The following SEC24D variants were observed in gnomAD, a reference collection of about 807,000 sequenced individuals.
The protein encoded by SEC24D is SEC24 homolog D, COPII component, also known as protein transport protein Sec24D.
SEC24D carries 69 observed loss-of-function variants against 116.9 expected under a neutral mutation model. That is an observed-to-expected ratio of 0.59 (90% CI 0.49 to 0.72). SEC24D has a LOEUF of 0.72. Ranked by LOEUF, SEC24D falls within the 30% of genes least tolerant of loss-of-function variation. The pLI is 0.00. For missense variants in SEC24D, 1,131 were observed against 1,264.1 expected, an observed-to-expected ratio of 0.89 and a Z score of 1.60; for synonymous variants, 405 against 442.8, an observed-to-expected ratio of 0.91 and a Z score of 1.07.
At chr4:118,806,570 C>A (rs1729687423) in intron 6 of SEC24D, among the ~76,000 whole-genome samples, 2 of 151,788 alleles carry the variant, frequency 1.3e-5, no homozygotes, top group Non-Finnish European at 1.5e-5. Context: ...TGGGTGCAAG[C>A]AATCCTCCTG....
At position 118,815,689 on chromosome 4, in the gene SEC24D, G is replaced by C; in HGVS notation, c.435C>G (p.Gly145=). ...GMAPPSQGPP[G]PLSATSLQTP... ...TCTGCAATGATGTGGCTGACAGAGG[G>C]CCAGGGGGTCCCTGGCTTGGAGGAG... The change falls in exon 5 of 23, where the codon GGC becomes GGG. Residue 145 remains glycine (G), a synonymous_variant. Coordinates refer to ENST00000280551, the MANE Select transcript of SEC24D (RefSeq NM_014822.4). The C allele has an allele frequency of 6.2e-7, 1 of 1,614,114 alleles. No individual in the cohort carries two copies. The highest frequency in any genetic ancestry group is 1.1e-5 in the South Asian group (1 of 91,072).
chr4:118,813,618 C>T (rs1438216923), intron 6 of SEC24D, among the ~76,000 whole-genome samples: 1 of 152,176 alleles, frequency 6.6e-6, no homozygotes, highest in East Asian at 1.9e-4. Context: ...ACGGATTAAT[C>T]CATTCACAAG....
Position 118,738,367 on chromosome 4 carries a change from A to G in SEC24D, c.2390T>C (p.Val797Ala). 1 of 1,609,212 alleles carries G rather than the reference A, an allele frequency of 6.2e-7. No homozygotes were observed. The highest frequency in any genetic ancestry group is 8.5e-7 in the Non-Finnish European group (1 of 1,175,680). Residue 797 changes from valine (V) to alanine (A), a missense_variant, in exon 19 of 23, where the codon GTT (valine) becomes GCT (alanine). Transcript: ENST00000280551. ...NFFAKSAFKA[V>A]LHQPLKVIRE... The stretch of plus-strand genomic sequence containing the variant: ...GATGACCTTCAAAGGCTGGTGGAGA[A>G]CTGCTTTAAAAGCTACATCACAAAA...
chr4:118,793,497 G>T (rs1729038284), intron 8 of SEC24D, among the ~76,000 whole-genome samples: 1 of 145,552 alleles, frequency 6.9e-6, no homozygotes. Flanking sequence ...AAAAAAGAAG[G>T]CCCAAACACT....
rs10471010 is a variant in SEC24D, at chr4:118,783,083, G to C, written c.1041+14600C>G. ...CCCGGGTGAGGCGACGCCCCGCCCT[G>C]CTTTGGCTCACCCTCTGTGGGCTGC... On this transcript the variant is annotated intron_variant, in intron 8 of 22. Coordinates refer to ENST00000280551, the MANE Select transcript of SEC24D (RefSeq NM_014822.4). Among the ~76,000 whole-genome samples the C allele has an allele frequency of 7.4e-3, 1,123 of 152,316 alleles. 16 individuals are homozygous for C. Among genetic ancestry groups the C allele is most frequent in the African/African-American group, 0.025 (1,036 of 41,564 alleles).
At chr4:118,749,295 G>A (rs534770455) in intron 13 of SEC24D, among the ~76,000 whole-genome samples, 2 of 152,198 alleles carry the variant, frequency 1.3e-5, no homozygotes, top group South Asian at 2.1e-4. Context: ...TCAAAAGGAC[G>A]CATAAGAACT....
chr4:118,739,377 G>T lies in SEC24D; in HGVS notation c.2239-90C>A, dbSNP rs527731380. On this transcript the variant is annotated intron_variant, in intron 17 of 22. Transcript: ENST00000280551. Reference sequence around the variant, plus strand: ...CTTACTTGCATTTACAAAACACTGTGTACAGATAGATAAAAGACCTCTAAC... The same window carrying T: ...CTTACTTGCATTTACAAAACACTGTTTACAGATAGATAAAAGACCTCTAAC... 2.8e-5 allele frequency: 34 copies of T among 1,198,878 alleles called. 1 individual carries two copies. In the African/African-American group the frequency reaches 3.7e-4, roughly 13 times the overall value. The allele number at this position is 1,198,878 out of a possible 1,614,324, so 74.3% of individuals were successfully genotyped here.
rs80352878 is a variant in SEC24D at position 118,787,782 on chromosome 4, G to A, written c.1041+9901C>T. ...GAGATTGTACACCGTACTCCAGCCT[G>A]GGTCAAAGAGTGAAATCTTGTCTCA... On this transcript the variant is annotated intron_variant, in intron 8 of 22. Transcript: ENST00000280551. Among the ~76,000 whole-genome samples the A allele has an allele frequency of 5.8e-3, 881 of 152,190 alleles. 8 individuals are homozygous for A. Among genetic ancestry groups the A allele is most frequent in the African/African-American group, 0.02 (824 of 41,532 alleles).
At chr4:118,779,121 C>T (rs142605024) in intron 8 of SEC24D, among the ~76,000 whole-genome samples, 6,102 of 152,224 alleles carry the variant, frequency 0.04, 183 homozygotes, top group Non-Finnish European at 0.063. Context: ...TTGCCCTGGC[C>T]AGAACTTCCA....
At chr4:118,774,086 T>G (rs572951499) in intron 8 of SEC24D, among the ~76,000 whole-genome samples, 92 of 151,918 alleles carry the variant, frequency 6.1e-4, no homozygotes, top group African/African-American at 2.1e-3. Flanking sequence ...ATTAAAAAAT[T>G]TAATGCTTTT....
intron 8 of SEC24D, among the ~76,000 whole-genome samples, chr4:118,778,198 T>C (rs1728237495): frequency 6.6e-6 from 1 of 152,232 alleles, no homozygotes; most frequent in Non-Finnish European, 1.5e-5. Flanking sequence ...ATGTCCTGAA[T>C]GGTATTGCCT....
chr4:118,776,113 G>A (rs2110481013), intron 8 of SEC24D, among the ~76,000 whole-genome samples: 2 of 150,890 alleles, frequency 1.3e-5, no homozygotes, highest in South Asian at 4.3e-4. Flanking sequence ...TGAAGGAAGG[G>A]AAGGGGAGGG....
intron 8 of SEC24D, among the ~76,000 whole-genome samples, chr4:118,770,950 G>C (rs1271864882): frequency 6.6e-6 from 1 of 152,136 alleles, no homozygotes. Context: ...TGACAGTAAA[G>C]AATGTTAAAA....
At chr4:118,799,573 A>G (rs1432816181) in intron 7 of SEC24D, among the ~76,000 whole-genome samples, 1 of 152,230 alleles carries the variant, frequency 6.6e-6, no homozygotes, top group Non-Finnish European at 1.5e-5. Context: ...GCCAAAGAAG[A>G]GAAGATGACC....
chr4:118,834,757 C>A (rs1276956990), intron 1 of SEC24D, among the ~76,000 whole-genome samples: 1 of 152,148 alleles, frequency 6.6e-6, no homozygotes, highest in African/African-American at 2.4e-5. Context: ...ACTGATTCTA[C>A]AATTTATCTC....
rs570342119 is a variant in SEC24D at position 118,780,406 on chromosome 4, C to T, written c.1042-12095G>A. 1.3e-4 allele frequency among the ~76,000 whole-genome samples: 20 copies of T among 152,240 alleles called. No individual in the cohort carries two copies. The South Asian group carries it at 2.5e-3, about 19-fold the overall frequency. On this transcript the variant is annotated intron_variant, in intron 8 of 22. Coordinates refer to ENST00000280551, the MANE Select transcript of SEC24D (RefSeq NM_014822.4). ...GATGTTCGGTTTCCATGTAGTTGTG[C>T]GGTTTTTAGTGAGTTTCTTAATCCT... is the stretch of plus-strand genomic sequence containing the variant.
At chr4:118,733,086 T>C (rs1725777064) in intron 19 of SEC24D, 174 bp from the exon 20 acceptor site, 2 of 572,100 alleles carry the variant, frequency 3.5e-6, no homozygotes. Context: ...GAGTAGGCAT[T>C]CAAAGAGCAG....
rs1726907856 is a variant in SEC24D, at chr4:118,752,862, A to G, written c.1448T>C (p.Ile483Thr). Reference protein sequence around the residue: ...PKEEQEETSAIRVGFITYNKV... With the variant: ...PKEEQEETSATRVGFITYNKV... Reference sequence around the variant, plus strand: ...GTTATATGTGATAAAACCCACTCGAATTGCAGACGTCTCTTCTTGCTCTTC... The same window carrying G: ...GTTATATGTGATAAAACCCACTCGAGTTGCAGACGTCTCTTCTTGCTCTTC... The change falls in exon 12 of 23, where the codon ATT becomes ACT. Residue 483 changes from isoleucine (I) to threonine (T), a missense_variant. Physicochemically the swap from Ile to Thr is moderately conservative, Grantham distance 89. Transcript: ENST00000280551. 1 of 1,589,328 alleles carries G rather than the reference A, an allele frequency of 6.3e-7. No homozygotes were observed. Among genetic ancestry groups the G allele is most frequent in the Admixed American group, 1.8e-5 (1 of 54,330 alleles).
At chr4:118,735,067 A>C (rs1028864335) in intron 19 of SEC24D, among the ~76,000 whole-genome samples, 1 of 152,198 alleles carries the variant, frequency 6.6e-6, no homozygotes, top group East Asian at 1.9e-4. Context: ...CTTCTAATTA[A>C]TGAGGTCATA....
Sources: gnomAD v4.1 joint callset for allele counts (sites outside exome capture counted in the v4.1 genomes callset) on GRCh38, gnomAD v4.1.1 for gene constraint, MANE v1.5 for transcripts, NCBI Gene and HGNC (gene_info 2026-07-23, HGNC 2026-07-21) for gene names.